NRG1: variants seen among roughly 807,000 people sequenced by gnomAD.
NRG1 encodes pro-neuregulin-1, membrane-bound isoform.
In NRG1, 18 loss-of-function variants were observed where a neutral mutation model predicts 63.8. The observed-to-expected ratio is 0.28, with a 90% CI of 0.19 to 0.42. The LOEUF (loss-of-function observed/expected upper bound fraction) is 0.42, where lower values mean the gene tolerates loss of function less well. NRG1 is among the 10% of genes least tolerant of loss of function. The pLI, the probability that NRG1 is intolerant of heterozygous loss-of-function variation, is 1.00. For synonymous variants in NRG1, 302 were observed against 301.3 expected (o/e 1.00, Z -0.02); for missense variants, 762 against 814.7 (o/e 0.94, Z 0.79).
rs397956518 is a variant in NRG1 at position 32,344,419 on chromosome 8, A to ATGTGTGTG, written c.38-251377_38-251370dup. On this transcript the variant is annotated intron_variant, in intron 1 of 10. Transcript: ENST00000519301. Reference sequence around the variant, plus strand: ...TTTTTGTGCATGCATGCGTGCATGCATGTGTGTGTGTGTGTGTGTGTGTGT... The same window carrying ATGTGTGTG: ...TTTTTGTGCATGCATGCGTGCATGCATGTGTGTGTGTGTGTGTGTGTGTGTGTGTGTGT... Among the ~76,000 whole-genome samples the ATGTGTGTG allele has an allele frequency of 1.0e-3, 58 of 57,456 alleles. 3 individuals are homozygous for ATGTGTGTG. The highest frequency in any genetic ancestry group is 2.7e-3 in the African/African-American group (50 of 18,744). The allele number at this position is 57,456 out of a possible 152,430, so 37.7% of individuals were successfully genotyped here. A position where few individuals can be genotyped will look rare whatever the true frequency, so the allele number is the denominator to read the frequency against.
At chr8:32,145,647 G>A (rs768498929) in intron 1 of NRG1, among the ~76,000 whole-genome samples, 14 of 152,268 alleles carry the variant, frequency 9.2e-5, no homozygotes, top group South Asian at 4.1e-4. Flanking sequence ...TCTAATTTTC[G>A]TAAAGTTACT....
chr8:32,350,508 T>C (rs931099677), intron 1 of NRG1, among the ~76,000 whole-genome samples: 1 of 152,138 alleles, frequency 6.6e-6, no homozygotes, highest in African/African-American at 2.4e-5. Flanking sequence ...TATATTTATT[T>C]AACAAAGACG....
chr8:31,849,510 C>T (rs1827013138), intron 1 of NRG1, among the ~76,000 whole-genome samples: 1 of 152,232 alleles, frequency 6.6e-6, no homozygotes. Flanking sequence ...GATGGTGCAA[C>T]AGCTGTCCAC....
intron 1 of NRG1, among the ~76,000 whole-genome samples, chr8:32,236,413 A>T (rs1200792771): frequency 2.6e-5 from 4 of 152,202 alleles, no homozygotes; most frequent in Non-Finnish European, 5.9e-5. Context: ...GTGAAAAATA[A>T]CATAAATATT....
chr8:32,683,901 A>G (rs1418894536), intron 5 of NRG1, among the ~76,000 whole-genome samples: 2 of 152,054 alleles, frequency 1.3e-5, no homozygotes, highest in East Asian at 1.9e-4. Flanking sequence ...AAAAAAAAAA[A>G]AAAGAAAATC....
chr8:32,522,882 T>C (rs947249720), intron 1 of NRG1, among the ~76,000 whole-genome samples: 1 of 151,716 alleles, frequency 6.6e-6, no homozygotes, highest in African/African-American at 2.4e-5. Flanking sequence ...CATAGCTCAC[T>C]GCAGCCTCAA....
At chr8:32,575,547 T>C (rs989049443) in intron 1 of NRG1, among the ~76,000 whole-genome samples, 2 of 152,066 alleles carry the variant, frequency 1.3e-5, no homozygotes, top group Non-Finnish European at 2.9e-5. Flanking sequence ...TGGATATTTA[T>C]ACTTTTTAAG....
intron 1 of NRG1, among the ~76,000 whole-genome samples, chr8:32,103,920 T>C (rs769659583): frequency 1.3e-5 from 2 of 152,250 alleles, no homozygotes; most frequent in Admixed American, 6.5e-5. Context: ...ATACCAGGCT[T>C]ACAGGGAGGA....
chr8:32,608,092 G>GTTTTTTTTTTTTTTTTT (rs1226154193), intron 3 of NRG1, among the ~76,000 whole-genome samples: 15 of 106,176 alleles, frequency 1.4e-4, no homozygotes, highest in African/African-American at 3.0e-4. Context: ...GGTTTTTTTT[G>GTTTTTTTTTTTTTTTTT]TTTTTTTTTT....
intron 1 of NRG1, among the ~76,000 whole-genome samples, chr8:31,676,391 G>A (rs1168240175): frequency 1.3e-5 from 2 of 152,054 alleles, no homozygotes; most frequent in African/African-American, 4.8e-5. Context: ...TTTAATCCTT[G>A]ACAACTTTCT....
intron 2 of NRG1, among the ~76,000 whole-genome samples, chr8:32,603,847 T>C (rs1844790457): frequency 6.6e-6 from 1 of 152,216 alleles, no homozygotes; most frequent in Non-Finnish European, 1.5e-5. Context: ...TCTGATGGTC[T>C]TTGCCCTCTC....
chr8:32,702,706 C>G (rs1238654438), intron 5 of NRG1, among the ~76,000 whole-genome samples: 2 of 152,140 alleles, frequency 1.3e-5, no homozygotes, highest in African/African-American at 2.4e-5. Flanking sequence ...AGGCTGGTCT[C>G]TAATTCCTGA....
intron 1 of NRG1, among the ~76,000 whole-genome samples, chr8:31,739,141 C>T (rs1360978747): frequency 6.6e-6 from 1 of 152,092 alleles, no homozygotes; most frequent in African/African-American, 2.4e-5. Context: ...TCTGGCTCTA[C>T]TCCCATGAAA....
In NRG1 at chr8:32,122,781, C is replaced by A. The variant is rs183851394; in HGVS notation, c.38-473047C>A. Among the ~76,000 whole-genome samples, 10 of 151,874 alleles carry A rather than the reference C, an allele frequency of 6.6e-5. No individual in the cohort carries two copies. In the East Asian group the frequency reaches 9.8e-4, roughly 15 times the overall value. ...CAATGCTATCCCTCCCCGCTCCCCCCACCCCACAACAGTCCCCAGAGTGTG... is the reference window on the plus strand; with the variant it reads ...CAATGCTATCCCTCCCCGCTCCCCCAACCCCACAACAGTCCCCAGAGTGTG... On this transcript the variant is annotated intron_variant, in intron 1 of 10. Transcript: ENST00000519301.
chr8:32,410,411 CCCTGCTCAG>C (rs968173506), intron 1 of NRG1, among the ~76,000 whole-genome samples: 1 of 151,940 alleles, frequency 6.6e-6, no homozygotes, highest in African/African-American at 2.4e-5. Flanking sequence ...AAGCGATCTA[CCCTGCTCAG>C]CCTCCCAAAG....
intron 1 of NRG1, among the ~76,000 whole-genome samples, chr8:31,722,444 C>A (rs1033345941): frequency 6.6e-6 from 1 of 152,076 alleles, no homozygotes; most frequent in African/African-American, 2.4e-5. Context: ...TGTCCTTCCA[C>A]GGTGGCACAG....
chr8:31,946,710 G>T (rs1001248181), intron 1 of NRG1, among the ~76,000 whole-genome samples: 1 of 152,148 alleles, frequency 6.6e-6, no homozygotes, highest in Non-Finnish European at 1.5e-5. Flanking sequence ...GTCCCCTCCA[G>T]GAGGATACTG....
At chr8:32,269,471 A>G (rs1851325762) in intron 1 of NRG1, among the ~76,000 whole-genome samples, 1 of 152,080 alleles carries the variant, frequency 6.6e-6, no homozygotes, top group African/African-American at 2.4e-5. Context: ...CCAGAGGTGA[A>G]GCTTTGATCT....
At chr8:32,575,423 G>T (rs2049987379) in intron 1 of NRG1, among the ~76,000 whole-genome samples, 1 of 152,024 alleles carries the variant, frequency 6.6e-6, no homozygotes, top group African/African-American at 2.4e-5. Flanking sequence ...TTCCTGGAAG[G>T]GTTGGGGATG....
Sources: allele counts gnomAD v4.1 joint callset (sites outside exome capture counted in the v4.1 genomes callset), GRCh38; gene constraint gnomAD v4.1.1; transcripts MANE v1.5; gene names NCBI Gene and HGNC (gene_info 2026-07-23, HGNC 2026-07-21).